LRMDA: variants seen among roughly 807,000 people sequenced by gnomAD.
The protein encoded by LRMDA is leucine-rich melanocyte differentiation-associated protein.
LRMDA carries 18 observed loss-of-function variants against 29.8 expected under a neutral mutation model. That is an observed-to-expected ratio of 0.60 (90% CI 0.42 to 0.90). The LOEUF is 0.90. LRMDA is among the 40% of genes least tolerant of loss of function. The pLI is 0.00. For missense variants in LRMDA, 273 were observed against 273.9 expected (o/e 1.00, Z 0.02); for synonymous variants, 125 against 109.4 (o/e 1.14, Z -0.89).
At chr10:76,376,227 A>G (rs1841516273) in intron 6 of LRMDA, among the ~76,000 whole-genome samples, 1 of 152,052 alleles carries the variant, frequency 6.6e-6, no homozygotes. Context: ...TTTAGCTCCC[A>G]CTTATGAGTG....
chr10:75,620,451 G>A (rs1301771672), intron 2 of LRMDA, among the ~76,000 whole-genome samples: 1 of 152,154 alleles, frequency 6.6e-6, no homozygotes, highest in African/African-American at 2.4e-5. Flanking sequence ...TTGGCTGGGG[G>A]TTGGGCTTCT....
chr10:76,440,209 A>G (rs1280305080), intron 6 of LRMDA, among the ~76,000 whole-genome samples: 1 of 152,212 alleles, frequency 6.6e-6, no homozygotes, highest in Non-Finnish European at 1.5e-5. Flanking sequence ...GCCTCTGGAA[A>G]GGTTTGGAAC....
chr10:75,667,208 A>G (rs982525325), intron 2 of LRMDA, among the ~76,000 whole-genome samples: 2 of 104,600 alleles, frequency 1.9e-5, no homozygotes, highest in Non-Finnish European at 4.3e-5. Context: ...GTCCTTTTCT[A>G]ATGATTTTAT....
intron 2 of LRMDA, among the ~76,000 whole-genome samples, chr10:75,481,229 G>T (rs768080718): frequency 1.3e-5 from 2 of 152,158 alleles, no homozygotes; most frequent in East Asian, 1.9e-4. Flanking sequence ...GGGCAGTTTA[G>T]CGTGAGAAGA....
At chr10:76,018,942 G>A (rs1299024428) in intron 2 of LRMDA, among the ~76,000 whole-genome samples, 1 of 152,198 alleles carries the variant, frequency 6.6e-6, no homozygotes, top group Admixed American at 6.5e-5. Flanking sequence ...TAAATGTTCA[G>A]ATTGTTCAGC....
intron 6 of LRMDA, among the ~76,000 whole-genome samples, chr10:76,443,784 G>C (rs1445984551): frequency 6.6e-6 from 1 of 152,150 alleles, no homozygotes; most frequent in African/African-American, 2.4e-5. Context: ...CTCATTGGAT[G>C]CCAGAATATT....
At chr10:76,064,240 G>C (rs895258562) in intron 5 of LRMDA, among the ~76,000 whole-genome samples, 4 of 152,202 alleles carry the variant, frequency 2.6e-5, no homozygotes, top group Admixed American at 6.5e-5. Context: ...GATTATTTAT[G>C]ATGGGAAAAC....
chr10:76,529,198 C>G (rs1350408821), intron 6 of LRMDA, among the ~76,000 whole-genome samples: 1 of 152,046 alleles, frequency 6.6e-6, no homozygotes. Context: ...GTTTCCTCCT[C>G]TTTAAAATAG....
intron 2 of LRMDA, among the ~76,000 whole-genome samples, chr10:75,575,681 C>A (rs1840494954): frequency 6.6e-6 from 1 of 152,138 alleles, no homozygotes; most frequent in Non-Finnish European, 1.5e-5. Flanking sequence ...TTGTTTGTCT[C>A]ATTGGGACTG....
chr10:76,424,217 C>T (rs1406869600), intron 6 of LRMDA, among the ~76,000 whole-genome samples: 4 of 152,166 alleles, frequency 2.6e-5, no homozygotes, highest in African/African-American at 9.7e-5. Context: ...TCATGAATAA[C>T]AATCACACCT....
At chr10:76,389,282 G>A (rs1841695924) in intron 6 of LRMDA, among the ~76,000 whole-genome samples, 1 of 152,068 alleles carries the variant, frequency 6.6e-6, no homozygotes, top group Admixed American at 6.5e-5. Context: ...GAGCTGTGGT[G>A]GCAAGTTTCG....
chr10:76,062,654 C>CTGTGTGTG (rs1369528064), intron 5 of LRMDA, among the ~76,000 whole-genome samples: 11,319 of 135,760 alleles, frequency 0.083, 612 homozygotes, highest in Non-Finnish European at 0.11. Flanking sequence ...GACTTTATCT[C>CTGTGTGTG]TCTGTGTGTG....
At chr10:76,241,860 T>G (rs2132285982) in intron 5 of LRMDA, among the ~76,000 whole-genome samples, 1 of 152,296 alleles carries the variant, frequency 6.6e-6, no homozygotes, top group African/African-American at 2.4e-5. Flanking sequence ...CAGTCAACAT[T>G]GCTTCCTTAT....
intron 2 of LRMDA, among the ~76,000 whole-genome samples, chr10:75,957,168 T>G (rs992070695): frequency 3.3e-5 from 5 of 152,264 alleles, no homozygotes; most frequent in African/African-American, 1.2e-4. Flanking sequence ...TTGGGGCCCT[T>G]CTTTCTTGTA....
chr10:75,552,610 C>T (rs1840166348), intron 2 of LRMDA: 2 of 433,642 alleles, frequency 4.6e-6, no homozygotes, highest in African/African-American at 2.1e-5. Context: ...CTGTGGTTTG[C>T]TCTTTTTAAT....
chr10:76,437,688 C>T lies in LRMDA; in HGVS notation c.601+113203C>T, dbSNP rs550768778. ...CAGCAGAGGAACCAGGAAAACCTTT[C>T]CGGAAGGAGCCCTGGGAAGAGCAGA... On this transcript the variant is annotated intron_variant, in intron 6 of 6. Transcript: ENST00000611255. The T allele has an allele frequency of 2.6e-5, 4 of 152,426 alleles. No homozygotes were observed. The East Asian group carries it at 7.7e-4, about 29-fold the overall frequency. The allele number at this position is 152,426 out of a possible 1,614,324, so 9.4% of individuals were successfully genotyped here.
chr10:76,202,966 T>C (rs1176570772), intron 5 of LRMDA, among the ~76,000 whole-genome samples: 1 of 152,200 alleles, frequency 6.6e-6, no homozygotes, highest in Non-Finnish European at 1.5e-5. Flanking sequence ...CTCTGACTAA[T>C]TGGAAACACA....
intron 6 of LRMDA, among the ~76,000 whole-genome samples, chr10:76,416,956 A>G (rs140789458): frequency 0.023 from 3,491 of 152,296 alleles, 56 homozygotes; most frequent in South Asian, 0.033. Context: ...TGGACGAGGC[A>G]TAGTGCATCT....
rs182877673 is a variant in LRMDA at position 75,567,270 on chromosome 10, G to C, written c.131+128776G>C. On this transcript the variant is annotated intron_variant, in intron 2 of 6. Transcript: ENST00000611255. ...GCATCAAGGCCTTCCACATTCAGGT[G>C]CCCTTGCCTTCCTTCAGCCACCTTT... 4.5e-4 allele frequency among the ~76,000 whole-genome samples: 68 copies of C among 152,306 alleles called. No homozygotes were observed. In the Middle Eastern group the frequency reaches 0.017, roughly 38 times the overall value.
Sources: gnomAD v4.1 joint callset for allele counts (sites outside exome capture counted in the v4.1 genomes callset) on GRCh38, gnomAD v4.1.1 for gene constraint, MANE v1.5 for transcripts, NCBI Gene and HGNC (gene_info 2026-07-23, HGNC 2026-07-21) for gene names.